Variants in CCDC3 observed in about 807,000 individuals in gnomAD.
The protein encoded by CCDC3 is coiled-coil domain containing 3, also known as coiled-coil domain-containing protein 3.
In CCDC3, 24 loss-of-function variants were observed where a neutral mutation model predicts 21.4. The ratio of observed to expected loss-of-function variants is 1.12; its 90% CI spans 0.81 to 1.58. The LOEUF (loss-of-function observed/expected upper bound fraction) is 1.58, where lower values mean the gene tolerates loss of function less well. Among genes scored for constraint, CCDC3 ranks in the 40% most tolerant of loss-of-function variants. CCDC3 has a pLI of 0.00. For missense variants in CCDC3, 425 were observed against 360.9 expected (o/e 1.18, Z -1.44); for synonymous variants, 186 against 166.0 (o/e 1.12, Z -0.93).
chr10:12,902,407 G>A (rs1185771101), intron 2 of CCDC3, among the ~76,000 whole-genome samples: 1 of 152,168 alleles, frequency 6.6e-6, no homozygotes, highest in Non-Finnish European at 1.5e-5. Context: ...ATTAGCTATG[G>A]AACTTAGGCT....
At position 12,927,444 on chromosome 10, in the gene CCDC3, G is replaced by T. The variant is rs140586871; in HGVS notation, c.550-28765C>A. Among the ~76,000 whole-genome samples, 460 of 152,144 alleles carry T rather than the reference G, an allele frequency of 3.0e-3. 3 individuals are homozygous for T. Among genetic ancestry groups the T allele is most frequent in the African/African-American group, 0.011 (438 of 41,510 alleles). On this transcript the variant is annotated intron_variant, in intron 2 of 2. Transcript: ENST00000378825. ...CTCACAGATTTCTTTTTTATATTTAGTTTGTTTACATCATGATTAATATAA... is the reference window on the plus strand; with the variant it reads ...CTCACAGATTTCTTTTTTATATTTATTTTGTTTACATCATGATTAATATAA...
intron 3 of CCDC3, among the ~76,000 whole-genome samples, chr10:13,084,612 C>T (rs1008620131): frequency 2.6e-5 from 4 of 152,142 alleles, no homozygotes; most frequent in Non-Finnish European, 4.4e-5. Flanking sequence ...AATAAACTTG[C>T]TTTTGCTTTG....
At chr10:12,910,415 A>G (rs1372192580) in intron 2 of CCDC3, among the ~76,000 whole-genome samples, 1 of 152,142 alleles carries the variant, frequency 6.6e-6, no homozygotes, top group African/African-American at 2.4e-5. Flanking sequence ...CCATAACCAT[A>G]TGTCCCCAAA....
At chr10:12,916,832 G>A (rs1346760414) in intron 2 of CCDC3, among the ~76,000 whole-genome samples, 8 of 152,232 alleles carry the variant, frequency 5.3e-5, no homozygotes, top group African/African-American at 1.9e-4. Context: ...GGCTGCAGGG[G>A]CCTGTCTGGT....
At chr10:12,959,425 C>T (rs1045814780) in intron 2 of CCDC3, among the ~76,000 whole-genome samples, 1 of 152,188 alleles carries the variant, frequency 6.6e-6, no homozygotes, top group South Asian at 2.1e-4. Context: ...GCCTCGGCCT[C>T]CCAAAGTGCT....
intron 2 of CCDC3, among the ~76,000 whole-genome samples, chr10:12,980,572 A>C (rs1233188432): frequency 6.6e-6 from 1 of 152,214 alleles, no homozygotes; most frequent in Non-Finnish European, 1.5e-5. Context: ...TTAGGTAAGC[A>C]AAGATAATGT....
intron 3 of CCDC3, among the ~76,000 whole-genome samples, chr10:13,090,038 T>TATAGATATATAG (rs1215974678): frequency 1.4e-3 from 2 of 1,446 alleles, no homozygotes; most frequent in African/African-American, 1.5e-3. Flanking sequence ...CCGTTAGATA[T>TATAGATATATAG]ATATATATAT....
chr10:13,060,963 G>A (rs1311782720), intron 4 of CCDC3, among the ~76,000 whole-genome samples: 1 of 152,194 alleles, frequency 6.6e-6, no homozygotes, highest in East Asian at 1.9e-4. Context: ...GGCTCTAAGA[G>A]GTTTGGTAAT....
At chr10:13,084,016 A>G (rs967668147) in intron 3 of CCDC3, among the ~76,000 whole-genome samples, 21 of 152,222 alleles carry the variant, frequency 1.4e-4, no homozygotes, top group African/African-American at 5.1e-4. Context: ...CATTTTATAT[A>G]TAACATCCTG....
intron 2 of CCDC3, among the ~76,000 whole-genome samples, chr10:12,936,689 G>T (rs1834743920): frequency 6.6e-6 from 1 of 152,222 alleles, no homozygotes; most frequent in African/African-American, 2.4e-5. Context: ...CCAGTGCTTT[G>T]GGAGAAGCCA....
At chr10:13,011,637 A>G (rs1835985197) in intron 5 of CCDC3, among the ~76,000 whole-genome samples, 1 of 152,230 alleles carries the variant, frequency 6.6e-6, no homozygotes, top group Admixed American at 6.5e-5. Flanking sequence ...AAAGCAATTT[A>G]TAGATTTAGT....
chr10:12,975,822 G>A (rs1167275583), intron 2 of CCDC3, among the ~76,000 whole-genome samples: 3 of 152,164 alleles, frequency 2.0e-5, no homozygotes, highest in Non-Finnish European at 4.4e-5. Flanking sequence ...GACAGAATGA[G>A]CCCAATCCCA....
intron 2 of CCDC3, among the ~76,000 whole-genome samples, chr10:12,933,561 G>T (rs1390120797): frequency 1.3e-5 from 2 of 151,180 alleles, no homozygotes; most frequent in Admixed American, 1.3e-4. Flanking sequence ...GGGTTCAAGA[G>T]AGTCTTGTGC....
intron 2 of CCDC3, among the ~76,000 whole-genome samples, chr10:12,936,432 C>A (rs1834739061): frequency 6.6e-6 from 1 of 151,970 alleles, no homozygotes; most frequent in African/African-American, 2.4e-5. Flanking sequence ...GATCATGGCT[C>A]ACTGCAGCCT....
At chr10:12,983,650 T>C (rs1835541155) in intron 2 of CCDC3, among the ~76,000 whole-genome samples, 1 of 134,428 alleles carries the variant, frequency 7.4e-6, no homozygotes. Context: ...CAGTCATAGC[T>C]CTAATAAAAA....
At position 13,065,107 on chromosome 10, in the gene CCDC3, T is replaced by C. The variant is rs139001154; in HGVS notation, c.-270+8761A>G. Among the ~76,000 whole-genome samples the C allele has an allele frequency of 3.6e-3, 546 of 152,306 alleles. 3 individuals carry two copies. The highest frequency in any genetic ancestry group is 0.013 in the African/African-American group (522 of 41,554). On this transcript the variant is annotated intron_variant, in intron 4 of 6. Transcript: ENST00000378839. ...CACATGTAATAGGATTGGCAAAATA[T>C]AGCTAAAAATAGTATGTCTAAGTAG...
chr10:12,929,405 G>A (rs1373498474), intron 2 of CCDC3, among the ~76,000 whole-genome samples: 2 of 152,104 alleles, frequency 1.3e-5, no homozygotes, highest in African/African-American at 4.8e-5. Context: ...GGGTCTGCAG[G>A]GACTCTGATG....
intron 2 of CCDC3, among the ~76,000 whole-genome samples, chr10:12,940,826 T>C (rs184899239): frequency 6.6e-6 from 1 of 152,300 alleles, no homozygotes; most frequent in Admixed American, 6.5e-5. Context: ...GGGAAGAACC[T>C]GACAAGATGC....
chr10:13,003,972 T>C (rs745418172), upstream of CCDC3, among the ~76,000 whole-genome samples: 2 of 152,228 alleles, frequency 1.3e-5, no homozygotes, highest in Non-Finnish European at 2.9e-5. Flanking sequence ...TGGGTTTCTC[T>C]TCCTGATTGA....
Sources: gnomAD v4.1 joint callset for allele counts (sites outside exome capture counted in the v4.1 genomes callset) on GRCh38, gnomAD v4.1.1 for gene constraint, MANE v1.5 for transcripts, NCBI Gene and HGNC (gene_info 2026-07-23, HGNC 2026-07-21) for gene names.